RHOT1: variants seen among roughly 807,000 people sequenced by gnomAD.
The protein encoded by RHOT1 is ras homolog family member T1.
In RHOT1, 27 loss-of-function variants were observed where a neutral mutation model predicts 95.3. The observed-to-expected ratio is 0.28, with a 90% CI of 0.21 to 0.39. The LOEUF is 0.39. RHOT1 is among the 10% of genes least tolerant of loss of function. The probability of loss-of-function intolerance (pLI) is 1.00; values close to 1 mark genes in which losing one functional copy is unlikely to be tolerated. For missense variants in RHOT1, 578 were observed against 786.7 expected (o/e 0.73, Z 3.17); for synonymous variants, 227 against 263.5 (o/e 0.86, Z 1.34).
At chr17:32,209,230 C>T (rs1475107088) in intron 18 of RHOT1, 1 of 487,234 alleles carries the variant, frequency 2.1e-6, no homozygotes, top group Non-Finnish European at 3.5e-6. Flanking sequence ...TTTTTAGATG[C>T]AACAAACCCT....
chr17:32,199,133 C>G, intron 12 of RHOT1, 102 bp downstream of exon 12: 1 of 926,458 alleles, frequency 1.1e-6, no homozygotes, highest in South Asian at 1.6e-5. Flanking sequence ...GTTACATAGC[C>G]AAAAACTGCT....
intron 1 of RHOT1, among the ~76,000 whole-genome samples, chr17:32,148,656 C>T (rs1414738235): frequency 6.6e-6 from 1 of 152,188 alleles, no homozygotes; most frequent in Non-Finnish European, 1.5e-5. Flanking sequence ...TCCATAGTTA[C>T]CTTCCTCCCC....
At chr17:32,154,945 G>A (rs72825788) in intron 1 of RHOT1, among the ~76,000 whole-genome samples, 27,607 of 151,384 alleles carry the variant, frequency 0.18, 2,624 homozygotes, top group South Asian at 0.26. Flanking sequence ...GCTGAGTGAC[G>A]GAGTGGTGTG....
intron 11 of RHOT1, among the ~76,000 whole-genome samples, chr17:32,194,772 T>G (rs2036741428): frequency 6.6e-6 from 1 of 152,036 alleles, no homozygotes; most frequent in African/African-American, 2.4e-5. Context: ...GTTCTTAGCT[T>G]AAGTTGAAGT....
intron 1 of RHOT1, among the ~76,000 whole-genome samples, chr17:32,156,668 C>G (rs185959168): frequency 6.6e-6 from 1 of 152,366 alleles, no homozygotes; most frequent in East Asian, 1.9e-4. Flanking sequence ...TAGATAACAT[C>G]TAGTCCACCT....
chr17:32,217,144 A>T (rs752149141), intron 19 of RHOT1, among the ~76,000 whole-genome samples: 8 of 152,150 alleles, frequency 5.3e-5, no homozygotes, highest in Non-Finnish European at 7.4e-5. Flanking sequence ...TTTCCTTTGT[A>T]TTCATGATCA....
Position 32,145,554 on chromosome 17 carries a change from T to C in RHOT1, c.37+2825T>C, listed in dbSNP as rs545932185. Among the ~76,000 whole-genome samples, 36 of 152,312 alleles carry C rather than the reference T, an allele frequency of 2.4e-4. 1 individual carries two copies. Among genetic ancestry groups the C allele is most frequent in the Admixed American group, 1.8e-3 (27 of 15,288 alleles). ...GCCTTGACTTTTGCAATATCTCCCTTAACCAGTCTTTCTGCTCCTGCTTTC... is the reference window on the plus strand; with the variant it reads ...GCCTTGACTTTTGCAATATCTCCCTCAACCAGTCTTTCTGCTCCTGCTTTC... On this transcript the variant is annotated intron_variant, in intron 1 of 19. Coordinates refer to ENST00000545287, the MANE Select transcript of RHOT1 (RefSeq NM_001033566.3).
chr17:32,168,257 T>A (rs894980262), intron 1 of RHOT1, among the ~76,000 whole-genome samples: 5 of 151,504 alleles, frequency 3.3e-5, no homozygotes, highest in Non-Finnish European at 7.4e-5. Flanking sequence ...ACACACACAC[T>A]CACATACACA....
rs116363165 is a variant in RHOT1, at chr17:32,182,840, A to G, written c.413A>G (p.Tyr138Cys). 2.1e-5 allele frequency: 33 copies of G among 1,589,458 alleles called. No individual in the cohort carries two copies. The African/African-American group carries it at 3.9e-4, about 19-fold the overall frequency. Reference protein sequence around the residue: ...METILPIMNQYTEIETCVECS... With the variant: ...METILPIMNQCTEIETCVECS... Reference sequence around the variant, plus strand: ...ACCATCCTTCCTATTATGAACCAGTATACAGAAATAGAAACCTGTGTGGAG... The same window carrying G: ...ACCATCCTTCCTATTATGAACCAGTGTACAGAAATAGAAACCTGTGTGGAG... Residue 138 changes from tyrosine to cysteine, a missense_variant, in exon 7 of 20, where the codon TAT becomes TGT. Tyr to Cys is a radical substitution (Grantham distance 194). Around this residue, in one of 4 missense-constraint regions of RHOT1, gnomAD observed 227 missense variants for 316.0 expected, o/e 0.72. Transcript: ENST00000545287.
intron 16 of RHOT1, among the ~76,000 whole-genome samples, chr17:32,205,051 TA>T (rs58538034): frequency 0.027 from 4,043 of 150,798 alleles, 191 homozygotes; most frequent in African/African-American, 0.093. Flanking sequence ...TTTTTTTTTT[TA>T]AATTTTACTT....
At chr17:32,176,041 A>T in intron 5 of RHOT1, 26 bp downstream of exon 5, 2 of 1,594,906 alleles carry the variant, frequency 1.3e-6, no homozygotes, top group Non-Finnish European at 1.7e-6. Context: ...TTTTCCCTAT[A>T]GTTGGTTTCA....
chr17:32,189,141 A>AT (rs2036273461), intron 8 of RHOT1, among the ~76,000 whole-genome samples: 1 of 152,184 alleles, frequency 6.6e-6, no homozygotes, highest in African/African-American at 2.4e-5. Context: ...TACTAAAAAT[A>AT]CAAAAAAATT....
chr17:32,200,527 G>C (rs565863345), intron 13 of RHOT1, among the ~76,000 whole-genome samples: 1 of 152,010 alleles, frequency 6.6e-6, no homozygotes, highest in Non-Finnish European at 1.5e-5. Flanking sequence ...GGGAGGCCAA[G>C]GTGGATGGAT....
At chr17:32,175,436 A>G (rs1411732268) in intron 4 of RHOT1, 74 bp downstream of exon 4, 2 of 1,339,000 alleles carry the variant, frequency 1.5e-6, no homozygotes, top group Non-Finnish European at 2.1e-6. Flanking sequence ...TGCCTTTTTC[A>G]TTCTCTTTGT....
At chr17:32,200,919 AGGAACTTTT>A in intron 13 of RHOT1, 28 bp from the exon 14 acceptor site, 2 of 1,450,784 alleles carry the variant, frequency 1.4e-6, no homozygotes, top group Non-Finnish European at 1.9e-6. Flanking sequence ...ATATTCGTTT[AGGAACTTTT>A]CACATTTTAA....
intron 1 of RHOT1, among the ~76,000 whole-genome samples, chr17:32,153,848 T>C (rs1598292631): frequency 6.6e-6 from 1 of 152,286 alleles, no homozygotes; most frequent in Middle Eastern, 3.4e-3. Context: ...TTAAAAGGCC[T>C]TGCTGTTTTG....
intron 1 of RHOT1, among the ~76,000 whole-genome samples, chr17:32,161,447 C>G (rs1198371837): frequency 6.6e-6 from 1 of 152,194 alleles, no homozygotes; most frequent in Non-Finnish European, 1.5e-5. Context: ...TTACAAATCT[C>G]CTGACCTCCA....
At chr17:32,169,276 A>T (rs967127228) in intron 1 of RHOT1, among the ~76,000 whole-genome samples, 1 of 152,232 alleles carries the variant, frequency 6.6e-6, no homozygotes, top group African/African-American at 2.4e-5. Context: ...GAAACTGTTG[A>T]TAATGGCAGA....
At chr17:32,157,789 A>G (rs566857529) in intron 1 of RHOT1, among the ~76,000 whole-genome samples, 3 of 151,952 alleles carry the variant, frequency 2.0e-5, no homozygotes, top group Non-Finnish European at 2.9e-5. Context: ...CCTGGGTGAC[A>G]TAGCAAGACT....
Sources: allele counts gnomAD v4.1 joint callset (sites outside exome capture counted in the v4.1 genomes callset), GRCh38; gene constraint gnomAD v4.1.1; regional missense constraint gnomAD v4.1.1; transcripts MANE v1.5; gene names NCBI Gene and HGNC (gene_info 2026-07-23, HGNC 2026-07-21).